Variants in DEAF1 observed in about 807,000 individuals in gnomAD.
The protein encoded by DEAF1 is deformed epidermal autoregulatory factor 1 homolog.
Under a neutral mutation model 58.9 loss-of-function variants are expected in DEAF1, and 53 were observed. The ratio of observed to expected loss-of-function variants is 0.90; its 90% CI spans 0.72 to 1.13. The LOEUF is 1.13. Among genes scored for constraint, DEAF1 ranks in the 50% most tolerant of loss-of-function variants. DEAF1 has a pLI of 0.00. For synonymous variants in DEAF1, 385 were observed against 340.4 expected, an observed-to-expected ratio of 1.13 and a Z score of -1.44; for missense variants, 685 against 791.4, an observed-to-expected ratio of 0.87 and a Z score of 1.61.
At chr11:691,927 CAGCTGT>C (rs1860853411) in intron 1 of DEAF1, among the ~76,000 whole-genome samples, 3 of 152,192 alleles carry the variant, frequency 2.0e-5, no homozygotes, top group Non-Finnish European at 2.9e-5. Flanking sequence ...TTCTGCGGCA[CAGCTGT>C]GGGTTCTGCT....
At chr11:691,360 C>T in intron 2 of DEAF1, 141 bp downstream of exon 2, 1 of 767,570 alleles carries the variant, frequency 1.3e-6, no homozygotes, top group Non-Finnish European at 2.2e-6. Flanking sequence ...CCTCTGAGAG[C>T]AGAGCGAGCC....
intron 10 of DEAF1, among the ~76,000 whole-genome samples, chr11:671,570 C>T (rs527720121): frequency 6.6e-6 from 1 of 151,490 alleles, no homozygotes; most frequent in East Asian, 2.0e-4. Context: ...AAACACTTTT[C>T]TTCCTTGAAA....
chr11:695,044 C>G lies in DEAF1; in HGVS notation c.4G>C (p.Glu2Gln). The change falls in exon 1 of 12, where the codon GAG (glutamate) becomes CAG (glutamine). Residue 2 changes from glutamate to glutamine, a missense_variant. Transcript: ENST00000382409. MEDSDSAAKQLG... is the reference protein window; with the variant it reads MQDSDSAAKQLG... Reference sequence around the variant, plus strand: ...TGCTTTGCCGCCGAGTCCGAGTCCTCCATCCGGACTCCGCCGAGCCTTCCC... The same window carrying G: ...TGCTTTGCCGCCGAGTCCGAGTCCTGCATCCGGACTCCGCCGAGCCTTCCC... 7.0e-7 allele frequency: 1 copy of G among 1,432,972 alleles called. No individual in the cohort carries two copies. Among genetic ancestry groups the G allele is most frequent in the Non-Finnish European group, 9.1e-7 (1 of 1,093,216 alleles). 88.8% of individuals were successfully genotyped at this position (1,432,972 alleles called of 1,614,324 possible).
chr11:695,222 C>T lies in DEAF1; in HGVS notation c.-175G>A. The T allele has an allele frequency of 3.5e-6, 2 of 576,556 alleles. No individual in the cohort carries two copies. The highest frequency in any genetic ancestry group is 2.7e-6 in the Non-Finnish European group (1 of 377,022). The allele number at this position is 576,556 out of a possible 1,614,324, so 35.7% of individuals were successfully genotyped here. On this transcript the variant is annotated 5_prime_UTR_variant, in exon 1 of 12. Coordinates refer to ENST00000382409, the MANE Select transcript of DEAF1 (RefSeq NM_021008.4). ...CCGCCGAGCAGAGCCGAGCCGAGTC[C>T]GCCCGCGGAGCGGAGCCGAGGCGAA...
chr11:674,971 C>T (rs1859991383), intron 9 of DEAF1, among the ~76,000 whole-genome samples, 188 bp from the exon 10 acceptor site: 2 of 151,876 alleles, frequency 1.3e-5, no homozygotes, highest in Admixed American at 1.3e-4. Context: ...TGAAACCCCG[C>T]GTTTCACTGT....
At chr11:653,688 G>T (rs896193762) in intron 11 of DEAF1, among the ~76,000 whole-genome samples, 1 of 152,168 alleles carries the variant, frequency 6.6e-6, no homozygotes, top group Non-Finnish European at 1.5e-5. Flanking sequence ...GGCTGTGCAG[G>T]GGTGTGGAGG....
At chr11:703,223 C>T in intron 1 of DEAF1, 3 of 1,498,460 alleles carry the variant, frequency 2.0e-6, no homozygotes, top group Non-Finnish European at 2.7e-6. Context: ...TGTCACCTCC[C>T]CATTCCTGGA....
At chr11:648,136 C>T (rs538108229) in intron 11 of DEAF1, among the ~76,000 whole-genome samples, 2 of 151,088 alleles carry the variant, frequency 1.3e-5, no homozygotes, top group African/African-American at 4.9e-5. Flanking sequence ...TGCATAAACT[C>T]GTGTATACTT....
chr11:703,021 C>T lies in DEAF1; in HGVS notation c.-438+3551G>A, dbSNP rs377598603. On this transcript the variant is annotated intron_variant, in intron 1 of 11. Coordinates refer to the DEAF1 transcript ENST00000683307. ...CCCTCACGGCTGGCACCGCCCTCCT[C>T]TCTGCCCACTTCCTGCTTTGGCAGG... 3.1e-6 allele frequency: 5 copies of T among 1,612,564 alleles called. No homozygotes were observed. The African/African-American group carries it at 5.3e-5, about 17-fold the overall frequency.
intron 10 of DEAF1, chr11:674,156 A>G (rs1350970956): frequency 3.2e-6 from 1 of 316,918 alleles, no homozygotes; most frequent in Non-Finnish European, 6.2e-6. Flanking sequence ...TCGCCCTGCC[A>G]GTCGCTGATA....
chr11:696,531 C>T (rs1242156460), upstream of DEAF1, among the ~76,000 whole-genome samples: 2 of 152,124 alleles, frequency 1.3e-5, no homozygotes, highest in Non-Finnish European at 2.9e-5. Context: ...GTAAGCCTGA[C>T]AGTTTGGGAA....
At chr11:695,638 T>G (rs957539325), upstream of DEAF1, 56 of 1,244,824 alleles carry the variant, frequency 4.5e-5, no homozygotes, top group Non-Finnish European at 5.6e-5. Flanking sequence ...CTCCACCTCT[T>G]CCCTTCCGAA....
At chr11:696,151 C>G (rs1457970297), upstream of DEAF1, among the ~76,000 whole-genome samples, 8 of 152,116 alleles carry the variant, frequency 5.3e-5, no homozygotes, top group Non-Finnish European at 8.8e-5. Flanking sequence ...TGTGAAGACA[C>G]GTGGGCGGGA....
intron 11 of DEAF1, among the ~76,000 whole-genome samples, chr11:648,413 T>C (rs1858602169): frequency 6.6e-6 from 1 of 152,104 alleles, no homozygotes; most frequent in Admixed American, 6.6e-5. Context: ...GCCAGGATGG[T>C]CTCGATCTCC....
upstream of DEAF1, chr11:695,564 C>T: frequency 7.3e-6 from 9 of 1,227,498 alleles, no homozygotes; most frequent in Non-Finnish European, 9.2e-6. Flanking sequence ...GAAGCCGAGT[C>T]AGCCCGAGGC....
At chr11:685,412 G>A (rs904104571) in intron 5 of DEAF1, among the ~76,000 whole-genome samples, 1 of 152,160 alleles carries the variant, frequency 6.6e-6, no homozygotes, top group Non-Finnish European at 1.5e-5. Flanking sequence ...TGCAAAATCA[G>A]GGCCGGGCAT....
At chr11:671,852 A>C (rs56369805) in intron 10 of DEAF1, among the ~76,000 whole-genome samples, 1,606 of 147,380 alleles carry the variant, frequency 0.011, 17 homozygotes, top group South Asian at 0.016. Flanking sequence ...AAAAAAAAGA[A>C]ACACAAAAAA....
chr11:693,965 C>A (rs1004665946), intron 1 of DEAF1, among the ~76,000 whole-genome samples: 1 of 152,072 alleles, frequency 6.6e-6, no homozygotes, highest in African/African-American at 2.4e-5. Flanking sequence ...GGCTCCGCAG[C>A]CCCCCTGGGC....
chr11:659,725 C>T (rs1438374541), intron 10 of DEAF1, among the ~76,000 whole-genome samples: 1 of 152,188 alleles, frequency 6.6e-6, no homozygotes, highest in African/African-American at 2.4e-5. Flanking sequence ...GGTCTAGTTC[C>T]AGAGGCTCCT....
Sources: allele counts gnomAD v4.1 joint callset (sites outside exome capture counted in the v4.1 genomes callset), GRCh38; gene constraint gnomAD v4.1.1; transcripts MANE v1.5; gene names NCBI Gene and HGNC (gene_info 2026-07-23, HGNC 2026-07-21).